The following UEVLD variants were observed in gnomAD, a reference collection of about 807,000 sequenced individuals.
UEVLD encodes the protein ubiquitin-conjugating enzyme E2 variant 3.
Under a neutral mutation model 58.6 loss-of-function variants are expected in UEVLD, and 47 were observed. The ratio of observed to expected loss-of-function variants is 0.80; its 90% CI spans 0.63 to 1.02. The LOEUF is 1.02. UEVLD is among the 50% of genes least tolerant of loss of function. The probability of loss-of-function intolerance (pLI) is 0.00; values close to 1 mark genes in which losing one functional copy is unlikely to be tolerated. For synonymous variants in UEVLD, 197 were observed against 195.3 expected (o/e 1.01, Z -0.07); for missense variants, 510 against 550.6 (o/e 0.93, Z 0.74).
chr11:18,578,714 T>A lies in UEVLD; in HGVS notation c.127+10A>T. The A allele has an allele frequency of 6.3e-7, 1 of 1,586,204 alleles. No individual in the cohort carries two copies. The highest frequency in any genetic ancestry group is 8.6e-7 in the Non-Finnish European group (1 of 1,162,284). ...AATGCAGCATTTAAACTAGAGGATA[T>A]GATTCTTACCATAGGTGTCCATGGA... On this transcript the variant is annotated intron_variant, in intron 2 of 11. Transcript: ENST00000396197.
intron 3 of UEVLD, among the ~76,000 whole-genome samples, chr11:18,573,525 C>A (rs867253232): frequency 4.1e-4 from 62 of 152,260 alleles, no homozygotes; most frequent in African/African-American, 1.4e-3. Flanking sequence ...GCAGGGAAGA[C>A]CAAGGAAAGA....
In UEVLD at chr11:18,560,138, C is replaced by CACACACACACACACACACAGAG. The variant is rs368897951; in HGVS notation, c.613-1809_613-1808insCTCTGTGTGTGTGTGTGTGTGT. Among the ~76,000 whole-genome samples, 238 of 74,770 alleles carry CACACACACACACACACACAGAG rather than the reference C, an allele frequency of 3.2e-3. 3 individuals are homozygous for CACACACACACACACACACAGAG. Among genetic ancestry groups the CACACACACACACACACACAGAG allele is most frequent in the Non-Finnish European group, 4.4e-3 (173 of 39,400 alleles). The allele number at this position is 74,770 out of a possible 152,430, so 49.1% of individuals were successfully genotyped here. A position where few individuals can be genotyped will look rare whatever the true frequency, so the allele number is the denominator to read the frequency against. On this transcript the variant is annotated intron_variant, in intron 6 of 11. Coordinates refer to ENST00000396197, the MANE Select transcript of UEVLD (RefSeq NM_001040697.4). ...ACACACACACACACACACACACACA[C>CACACACACACACACACACAGAG]AGAGAGAGAAAGAAAATAACCCTGC... is the stretch of plus-strand genomic sequence containing the variant.
intron 6 of UEVLD, among the ~76,000 whole-genome samples, chr11:18,560,315 A>C (rs2134010040): frequency 6.6e-6 from 1 of 152,298 alleles, no homozygotes; most frequent in Non-Finnish European, 1.5e-5. Context: ...CATACCCATA[A>C]GGAAAATGCA....
chr11:18,548,122 C>T (rs1228813845), intron 7 of UEVLD, among the ~76,000 whole-genome samples: 4 of 152,154 alleles, frequency 2.6e-5, no homozygotes, highest in Non-Finnish European at 5.9e-5. Flanking sequence ...ATGGGAACTA[C>T]AGGTAATCAA....
At chr11:18,540,527 TG>T (rs947068722) in intron 9 of UEVLD, among the ~76,000 whole-genome samples, 2 of 152,148 alleles carry the variant, frequency 1.3e-5, no homozygotes, top group Admixed American at 1.3e-4. Context: ...AGTGATCAGA[TG>T]GTACTTCTAG....
chr11:18,542,890 C>CTTTTCTTTTTTTT (rs1288736148), intron 9 of UEVLD, among the ~76,000 whole-genome samples: 1 of 125,902 alleles, frequency 7.9e-6, no homozygotes, highest in East Asian at 2.6e-4. Context: ...CTTTTCTTTT[C>CTTTTCTTTTTTTT]TTTTTTTTTT....
chr11:18,545,063 T>A (rs1228123994), intron 8 of UEVLD, among the ~76,000 whole-genome samples: 1 of 25,032 alleles, frequency 4.0e-5, no homozygotes, highest in African/African-American at 1.2e-4. Flanking sequence ...TATATCTATA[T>A]CTATATCTAT....
At position 18,534,443 on chromosome 11, in the gene UEVLD, G is replaced by A. The variant is rs776908224; in HGVS notation, c.1135C>T (p.Leu379=). 6.4e-7 allele frequency: 1 copy of A among 1,570,874 alleles called. No individual in the cohort carries two copies. Among genetic ancestry groups the A allele is most frequent in the East Asian group, 2.4e-5 (1 of 41,738 alleles). Residue 379 remains leucine (L), a synonymous_variant, in exon 11 of 12, where the codon CTG becomes TTG. Transcript: ENST00000396197. The part of the protein sequence containing the change: ...QVQLSNRAME[L]LRVKGQRSWS... Reference sequence around the variant, plus strand: ...GATCTTTGACCTTTTACTCTTAGCAGTTCCATGGCTCTAGGTTACAAAAAT... The same window carrying A: ...GATCTTTGACCTTTTACTCTTAGCAATTCCATGGCTCTAGGTTACAAAAAT...
chr11:18,582,383 T>A, intron 1 of UEVLD, among the ~76,000 whole-genome samples: 1 of 147,584 alleles, frequency 6.8e-6, no homozygotes. Flanking sequence ...ACCTGTTTTA[T>A]CTGTCCCAAG....
intron 9 of UEVLD, among the ~76,000 whole-genome samples, chr11:18,542,843 T>C (rs1038068776): frequency 6.6e-6 from 1 of 151,788 alleles, no homozygotes; most frequent in Non-Finnish European, 1.5e-5. Context: ...ACTCTTCAAT[T>C]AAATTATTAC....
intron 7 of UEVLD, among the ~76,000 whole-genome samples, chr11:18,553,414 T>C (rs1431441252): frequency 6.6e-6 from 1 of 152,116 alleles, no homozygotes; most frequent in African/African-American, 2.4e-5. Flanking sequence ...TAGAGTTACT[T>C]AGAGCTATAT....
chr11:18,536,372 C>T (rs756808801), intron 10 of UEVLD, 34 bp downstream of exon 10: 2 of 1,593,466 alleles, frequency 1.3e-6, no homozygotes, highest in Non-Finnish European at 1.7e-6. Context: ...AATGATTTTT[C>T]GTTGGATAAA....
intron 10 of UEVLD, among the ~76,000 whole-genome samples, chr11:18,535,555 G>C (rs763516994): frequency 6.6e-6 from 1 of 152,176 alleles, no homozygotes; most frequent in African/African-American, 2.4e-5. Context: ...TGATGGCTTT[G>C]AAAGCTAAAG....
chr11:18,569,207 T>A (rs1425362759), intron 4 of UEVLD, among the ~76,000 whole-genome samples: 1 of 152,196 alleles, frequency 6.6e-6, no homozygotes, highest in Non-Finnish European at 1.5e-5. Context: ...TATAAACATA[T>A]TATAAATTAT....
At chr11:18,577,645 G>A (rs1852986178) in intron 2 of UEVLD, among the ~76,000 whole-genome samples, 2 of 152,228 alleles carry the variant, frequency 1.3e-5, no homozygotes, top group African/African-American at 2.4e-5. Context: ...CGAGGTGGAT[G>A]TATCAATTGA....
chr11:18,569,629 T>C (rs566237113), intron 4 of UEVLD, among the ~76,000 whole-genome samples: 1 of 151,776 alleles, frequency 6.6e-6, no homozygotes, highest in East Asian at 1.9e-4. Context: ...AGGTAACCAT[T>C]AAAAACCATG....
intron 1 of UEVLD, among the ~76,000 whole-genome samples, chr11:18,585,808 A>AT (rs895626370): frequency 9.2e-5 from 14 of 151,660 alleles, no homozygotes; most frequent in Non-Finnish European, 2.1e-4. Flanking sequence ...CAGTTTTTAC[A>AT]TTTTTTAGGA....
chr11:18,538,238 C>T (rs1850892759), intron 9 of UEVLD, among the ~76,000 whole-genome samples: 2 of 152,000 alleles, frequency 1.3e-5, no homozygotes, highest in Non-Finnish European at 2.9e-5. Context: ...TCCCAGAGTG[C>T]AGGGACCATG....
At chr11:18,582,077 C>T (rs957903558) in intron 1 of UEVLD, among the ~76,000 whole-genome samples, 6 of 149,404 alleles carry the variant, frequency 4.0e-5, no homozygotes, top group Admixed American at 2.6e-4. Context: ...CACAAATGTA[C>T]AAAAGGCTGC....
Sources: allele counts gnomAD v4.1 joint callset (sites outside exome capture counted in the v4.1 genomes callset), GRCh38; gene constraint gnomAD v4.1.1; transcripts MANE v1.5; gene names NCBI Gene and HGNC (gene_info 2026-07-23, HGNC 2026-07-21).